GRM8: variants seen among roughly 807,000 people sequenced by gnomAD.
GRM8 encodes metabotropic glutamate receptor 8.
Under a neutral mutation model 87.2 loss-of-function variants are expected in GRM8, and 47 were observed. The ratio of observed to expected loss-of-function variants is 0.54; its 90% CI spans 0.43 to 0.69. The LOEUF is 0.69. Among genes scored for constraint, GRM8 ranks in the 30% least tolerant of loss-of-function variants. The pLI, the probability that GRM8 is intolerant of heterozygous loss-of-function variation, is 0.00. For missense variants in GRM8, 1,019 were observed against 1,139.2 expected (o/e 0.89, Z 1.52); for synonymous variants, 396 against 404.5 (o/e 0.98, Z 0.25).
chr7:127,058,613 C>T (rs2132558483), intron 3 of GRM8, among the ~76,000 whole-genome samples: 1 of 152,266 alleles, frequency 6.6e-6, no homozygotes, highest in South Asian at 2.1e-4. Context: ...TTCACCACAA[C>T]ATTCCTCTTC....
intron 8 of GRM8, among the ~76,000 whole-genome samples, chr7:126,541,627 C>T (rs188692215): frequency 5.8e-4 from 89 of 152,236 alleles, no homozygotes; most frequent in African/African-American, 2.0e-3. Flanking sequence ...GAGGCTGTTG[C>T]GGAATTCCAG....
chr7:127,149,379 C>T (rs968935284), intron 2 of GRM8, among the ~76,000 whole-genome samples: 3 of 151,868 alleles, frequency 2.0e-5, no homozygotes, highest in Admixed American at 6.6e-5. Context: ...ACTTCACACC[C>T]ATTAGAATGG....
chr7:127,024,146 A>G (rs967852918), intron 3 of GRM8, among the ~76,000 whole-genome samples: 5 of 152,114 alleles, frequency 3.3e-5, no homozygotes, highest in African/African-American at 9.7e-5. Context: ...CGAAATTGAT[A>G]GCTTGTCAAG....
chr7:127,136,185 T>C (rs1827936893), intron 2 of GRM8, among the ~76,000 whole-genome samples: 1 of 151,644 alleles, frequency 6.6e-6, no homozygotes, highest in Non-Finnish European at 1.5e-5. Context: ...AAAGGAGCTT[T>C]ATAATATGTG....
intron 3 of GRM8, among the ~76,000 whole-genome samples, chr7:127,065,330 A>G (rs1208130643): frequency 6.6e-6 from 1 of 152,182 alleles, no homozygotes; most frequent in Non-Finnish European, 1.5e-5. Context: ...ATTTATGAAC[A>G]CAAAGAAGGG....
intron 6 of GRM8, among the ~76,000 whole-genome samples, chr7:126,895,237 A>G (rs1586359153): frequency 6.6e-6 from 1 of 152,112 alleles, no homozygotes; most frequent in East Asian, 1.9e-4. Flanking sequence ...GACAATGTAT[A>G]GGTCAAGTCT....
chr7:126,960,365 T>C (rs1809183367), intron 3 of GRM8, among the ~76,000 whole-genome samples: 1 of 152,172 alleles, frequency 6.6e-6, no homozygotes, highest in African/African-American at 2.4e-5. Flanking sequence ...AAAAACACAA[T>C]TCAGATGACT....
intron 3 of GRM8, among the ~76,000 whole-genome samples, chr7:127,070,466 C>G (rs1821567234): frequency 6.6e-6 from 1 of 151,986 alleles, no homozygotes; most frequent in Admixed American, 6.6e-5. Flanking sequence ...GTAAAAATGA[C>G]AGAAATTGGG....
Position 127,219,943 on chromosome 7 carries a change from A to G in GRM8, c.510+22752T>C, listed in dbSNP as rs963946904. 3.9e-5 allele frequency among the ~76,000 whole-genome samples: 6 copies of G among 152,330 alleles called. No homozygotes were observed. The East Asian group carries it at 7.7e-4, about 20-fold the overall frequency. ...GCAATACCTGAACTTTGCAGGAGCC[A>G]GCAAACAAGCACCTCACTCCTTGGT... is the stretch of plus-strand genomic sequence containing the variant. On this transcript the variant is annotated intron_variant, in intron 2 of 10. Transcript: ENST00000339582.
At chr7:127,013,222 G>A (rs890153184) in intron 3 of GRM8, among the ~76,000 whole-genome samples, 2 of 152,234 alleles carry the variant, frequency 1.3e-5, no homozygotes, top group African/African-American at 2.4e-5. Flanking sequence ...GCAGAGAGGC[G>A]GCCAGTTTCA....
At chr7:126,967,514 G>A (rs1809995056) in intron 3 of GRM8, among the ~76,000 whole-genome samples, 1 of 149,752 alleles carries the variant, frequency 6.7e-6, no homozygotes, top group African/African-American at 2.5e-5. Context: ...TCACAAGCTT[G>A]GATTATGTGA....
chr7:126,633,597 T>C (rs962640183), intron 7 of GRM8, among the ~76,000 whole-genome samples: 5 of 152,276 alleles, frequency 3.3e-5, no homozygotes, highest in African/African-American at 9.6e-5. Flanking sequence ...GACACTGATA[T>C]TCTTATATCA....
intron 8 of GRM8, among the ~76,000 whole-genome samples, chr7:126,561,609 AT>A (rs1191721159): frequency 2.6e-5 from 4 of 151,678 alleles, no homozygotes; most frequent in South Asian, 2.1e-4. Context: ...TATTTTATTT[AT>A]TTTTTTATTA....
chr7:126,678,148 A>C (rs1389200641), intron 7 of GRM8, among the ~76,000 whole-genome samples: 9 of 152,214 alleles, frequency 5.9e-5, no homozygotes, highest in African/African-American at 2.2e-4. Context: ...CAAAAAAATA[A>C]GATTTTATAT....
chr7:127,067,839 A>G (rs997032125), intron 3 of GRM8, among the ~76,000 whole-genome samples: 3 of 152,170 alleles, frequency 2.0e-5, no homozygotes, highest in African/African-American at 7.2e-5. Flanking sequence ...TCTTATTATT[A>G]TTATTTAAAT....
chr7:127,012,630 T>G (rs1418901873), intron 3 of GRM8, among the ~76,000 whole-genome samples: 3 of 152,140 alleles, frequency 2.0e-5, no homozygotes. Flanking sequence ...ACAGCTTCTA[T>G]GATGGTCTTG....
chr7:127,064,798 T>C (rs12673341), intron 3 of GRM8, among the ~76,000 whole-genome samples: 53,117 of 152,072 alleles, frequency 0.35, 9,691 homozygotes, highest in Non-Finnish European at 0.41. Context: ...AGAGAATTAC[T>C]AATCAAAACC....
At chr7:126,975,036 G>C (rs1414371746) in intron 3 of GRM8, among the ~76,000 whole-genome samples, 5 of 151,086 alleles carry the variant, frequency 3.3e-5, no homozygotes, top group African/African-American at 1.2e-4. Context: ...AGCTGAGAGG[G>C]CTCATAGGTT....
intron 3 of GRM8, among the ~76,000 whole-genome samples, chr7:127,037,367 T>C (rs1817937832): frequency 6.6e-6 from 1 of 152,104 alleles, no homozygotes; most frequent in Non-Finnish European, 1.5e-5. Flanking sequence ...CCCAGAAGAC[T>C]TGGGGGAATT....
Sources: allele counts gnomAD v4.1 joint callset (sites outside exome capture counted in the v4.1 genomes callset), GRCh38; gene constraint gnomAD v4.1.1; transcripts MANE v1.5; gene names NCBI Gene and HGNC (gene_info 2026-07-23, HGNC 2026-07-21).